TET3: variants seen among roughly 807,000 people sequenced by gnomAD.
The protein encoded by TET3 is methylcytosine dioxygenase TET3.
Under a neutral mutation model 141.4 loss-of-function variants are expected in TET3, and 19 were observed. That is an observed-to-expected ratio of 0.13 (90% confidence interval 0.09 to 0.20). The LOEUF is 0.20. TET3 is among the 10% of genes least tolerant of loss of function. The pLI, the probability that TET3 is intolerant of heterozygous loss-of-function variation, is 1.00. For synonymous variants in TET3, 1,043 were observed against 980.9 expected, an observed-to-expected ratio of 1.06 and a Z score of -1.18; for missense variants, 1,874 against 2,356.9, an observed-to-expected ratio of 0.80 and a Z score of 4.24.
chr2:74,120,247 T>A, the TET3 span, among the ~76,000 whole-genome samples: 1 of 152,030 alleles, frequency 6.6e-6, no homozygotes, highest in African/African-American at 2.4e-5. Context: ...CCATTCTCCT[T>A]GCCAGGCTGC....
rs867934369 is a variant in TET3, at chr2:74,087,220, C to T, written c.2680-610C>T. ...ACGTCGTACTTACCTGTTCATCAAC[C>T]GATGGACCCTGGGGGTGCTTCCACC... On this transcript the variant is annotated intron_variant, in intron 6 of 11. Transcript: ENST00000409262. The surrounding 1 kb of genome is among the most constrained non-coding windows in gnomAD (Gnocchi z 4.3). Among the ~76,000 whole-genome samples the T allele has an allele frequency of 1.3e-5, 2 of 152,194 alleles. No individual in the cohort carries two copies. The highest frequency in any genetic ancestry group is 1.9e-4 in the East Asian group (1 of 5,200).
intron 5 of TET3, among the ~76,000 whole-genome samples, chr2:74,076,012 G>T (rs1558771695): frequency 1.3e-5 from 2 of 152,148 alleles, no homozygotes; most frequent in African/African-American, 4.8e-5. Flanking sequence ...TTGATCTGGG[G>T]CAGGTTTTTT....
the TET3 span, among the ~76,000 whole-genome samples, chr2:74,115,386 T>C: frequency 5.3e-5 from 8 of 152,098 alleles, no homozygotes; most frequent in East Asian, 1.9e-4. Context: ...AAAAGGAATA[T>C]AGAGAGGTAT....
intron 1 of TET3, among the ~76,000 whole-genome samples, chr2:73,985,497 T>TGGCGGGCTGCGCTCCGGC (rs2105051753): frequency 6.9e-6 from 1 of 144,152 alleles, no homozygotes; most frequent in East Asian, 2.1e-4. Context: ...CCAGTCGGGC[T>TGGCGGGCTGCGCTCCGGC]GGCGGGCTGC....
rs370134912 is a variant in TET3, at chr2:74,049,463, T to C, written c.2494+1052T>C. 6.6e-5 allele frequency among the ~76,000 whole-genome samples: 10 copies of C among 152,140 alleles called. No individual in the cohort carries two copies. The East Asian group carries it at 1.5e-3, about 23-fold the overall frequency. ...CACTCCCCAATAAGCATACTGTCTC[T>C]GGGAAGTCCTGGAGGCAGTAGTAAG... On this transcript the variant is annotated intron_variant, in intron 4 of 11. Transcript: ENST00000409262.
chr2:73,997,704 C>T (rs192797732), intron 2 of TET3, among the ~76,000 whole-genome samples: 152 of 152,324 alleles, frequency 1.0e-3, no homozygotes, highest in African/African-American at 3.1e-3. Flanking sequence ...AGGCAGGTGG[C>T]CCTCCTGGCC....
rs1162030789 is a variant in TET3 at position 74,046,201 on chromosome 2, G to A, written c.361-77G>A. On this transcript the variant is annotated intron_variant, in intron 3 of 11. Transcript: ENST00000409262. The surrounding 1 kb of genome is among the most constrained non-coding windows in gnomAD (Gnocchi z 4.3). Reference sequence around the variant, plus strand: ...AAGTTGGGGTCAGATGTGCACCTGAGTGGTATGAAGCAGGGAAATGCTTTT... The same window carrying A: ...AAGTTGGGGTCAGATGTGCACCTGAATGGTATGAAGCAGGGAAATGCTTTT... The A allele has an allele frequency of 2.2e-6, 3 of 1,342,474 alleles. No homozygotes were observed. Among genetic ancestry groups the A allele is most frequent in the Admixed American group, 3.2e-5 (1 of 31,116 alleles). The allele number at this position is 1,342,474 out of a possible 1,614,324, so 83.2% of individuals were successfully genotyped here. A position where few individuals can be genotyped will look rare whatever the true frequency, so the allele number is the denominator to read the frequency against.
intron 3 of TET3, among the ~76,000 whole-genome samples, chr2:74,033,062 A>G (rs1405358337): frequency 6.6e-6 from 1 of 152,248 alleles, no homozygotes; most frequent in East Asian, 1.9e-4. Flanking sequence ...CTAGCAACAG[A>G]AATAGCACAA....
intron 2 of TET3, among the ~76,000 whole-genome samples, chr2:73,997,774 G>A (rs773908016): frequency 2.6e-5 from 4 of 152,128 alleles, no homozygotes; most frequent in South Asian, 2.1e-4. Flanking sequence ...GAGTCTGAGC[G>A]GTGGGTAAAG....
At chr2:74,042,766 C>T (rs949610622) in intron 3 of TET3, among the ~76,000 whole-genome samples, 1 of 152,190 alleles carries the variant, frequency 6.6e-6, no homozygotes, top group East Asian at 1.9e-4. Context: ...TGCCTGTTGG[C>T]CCCGTCTCCT....
At chr2:74,076,310 C>T (rs73951134) in intron 5 of TET3, among the ~76,000 whole-genome samples, 1,866 of 152,212 alleles carry the variant, frequency 0.012, 39 homozygotes, top group African/African-American at 0.042. Flanking sequence ...CCTTGCAAAT[C>T]ATGTAACAGA....
At chr2:74,071,561 G>A (rs1190131490) in intron 4 of TET3, among the ~76,000 whole-genome samples, 1 of 152,164 alleles carries the variant, frequency 6.6e-6, no homozygotes, top group Non-Finnish European at 1.5e-5. Context: ...GCTTGTAAAT[G>A]TCTTACGTAA....
chr2:74,018,834 G>A (rs569985470), intron 3 of TET3, among the ~76,000 whole-genome samples: 19 of 151,716 alleles, frequency 1.3e-4, no homozygotes, highest in African/African-American at 4.4e-4. Flanking sequence ...TTTTCAGTTG[G>A]AATCACATGA....
At chr2:74,055,722 G>C (rs1688181453) in intron 4 of TET3, among the ~76,000 whole-genome samples, 1 of 152,190 alleles carries the variant, frequency 6.6e-6, no homozygotes, top group African/African-American at 2.4e-5. Flanking sequence ...AGAGGTGATT[G>C]GGTGATGCAG....
chr2:74,092,300 C>T (rs1415851336), intron 8 of TET3, among the ~76,000 whole-genome samples: 2 of 149,186 alleles, frequency 1.3e-5, no homozygotes, highest in African/African-American at 5.0e-5. Context: ...GCCTCTGTCT[C>T]AAAGAAAAAA....
intron 2 of TET3, among the ~76,000 whole-genome samples, chr2:74,001,656 G>A (rs1684853861): frequency 6.6e-6 from 1 of 152,112 alleles, no homozygotes; most frequent in Non-Finnish European, 1.5e-5. Context: ...GATGTGCCCT[G>A]GGTGGCCCAG....
In TET3 at chr2:74,090,170, G is replaced by A. The variant is rs139035940; in HGVS notation, c.3039+123G>A. The A allele has an allele frequency of 9.0e-4, 1,310 of 1,447,596 alleles. 8 individuals carry two copies. The African/African-American group carries it at 0.016, about 18-fold the overall frequency. The allele number at this position is 1,447,596 out of a possible 1,614,324, so 89.7% of individuals were successfully genotyped here. A position where few individuals can be genotyped will look rare whatever the true frequency, so the allele number is the denominator to read the frequency against. ...TGCACAGGAAGTGGAACTTGTTTTC[G>A]TTTTTTTAAAAGCTGACCTTATCTT... On this transcript the variant is annotated intron_variant, in intron 8 of 11. Coordinates refer to ENST00000409262, the MANE Select transcript of TET3 (RefSeq NM_001287491.2).
At chr2:74,128,808 C>T in the TET3 span, among the ~76,000 whole-genome samples, 1 of 150,940 alleles carries the variant, frequency 6.6e-6, no homozygotes. Context: ...ATAGTAAGAC[C>T]TCAACTCTAC....
intron 2 of TET3, among the ~76,000 whole-genome samples, chr2:73,995,213 G>A (rs1380656957): frequency 2.0e-5 from 3 of 152,210 alleles, no homozygotes; most frequent in African/African-American, 7.2e-5. Context: ...GCCTACCTTG[G>A]CCTCCCAAAG....
Sources: allele counts gnomAD v4.1 joint callset (sites outside exome capture counted in the v4.1 genomes callset), GRCh38; gene constraint gnomAD v4.1.1; non-coding constraint Gnocchi (gnomAD v3.1); transcripts MANE v1.5; gene names NCBI Gene and HGNC (gene_info 2026-07-23, HGNC 2026-07-21).